Variants in PDE10A observed in about 807,000 individuals in gnomAD.
The protein encoded by PDE10A is cAMP and cAMP-inhibited cGMP 3',5'-cyclic phosphodiesterase 10A.
PDE10A carries 39 observed loss-of-function variants against 97.7 expected under a neutral mutation model. The ratio of observed to expected loss-of-function variants is 0.40; its 90% CI spans 0.31 to 0.52. The LOEUF is 0.52. PDE10A is among the 20% of genes least tolerant of loss of function. The pLI, the probability that PDE10A is intolerant of heterozygous loss-of-function variation, is 0.56. For synonymous variants in PDE10A, 371 were observed against 376.8 expected, an observed-to-expected ratio of 0.98 and a Z score of 0.18; for missense variants, 731 against 1,047.8, an observed-to-expected ratio of 0.70 and a Z score of 4.17.
chr6:165,548,284 T>C (rs1267483786), intron 1 of PDE10A, among the ~76,000 whole-genome samples: 3 of 136,422 alleles, frequency 2.2e-5, no homozygotes, highest in Non-Finnish European at 4.9e-5. Flanking sequence ...CTCTTTTTTT[T>C]TTTTTTTTTT....
In PDE10A at chr6:165,655,758, T is replaced by C. The variant is rs969211419; in HGVS notation, c.865+6189A>G. Among the ~76,000 whole-genome samples, 1 of 152,172 alleles carries C rather than the reference T, an allele frequency of 6.6e-6. No homozygotes were observed. The highest frequency in any genetic ancestry group is 2.4e-5 in the African/African-American group (1 of 41,446). ...AACCTCCCCAAAGCCTCTGCTTTCA[T>C]GCGGAGTAAACTGCAGTTTTTTCCT... On this transcript the variant is annotated intron_variant, in intron 1 of 21. Transcript: ENST00000539869. The surrounding 1 kb of genome is among the most constrained non-coding windows in gnomAD (Gnocchi z 4.5).
intron 2 of PDE10A, among the ~76,000 whole-genome samples, chr6:165,524,784 G>A (rs1264648960): frequency 6.6e-6 from 1 of 152,304 alleles, no homozygotes; most frequent in East Asian, 1.9e-4. Flanking sequence ...CCAGGTGTCT[G>A]CTGTTAAAGT....
chr6:165,731,791 G>C (rs1484059210), intron 1 of PDE10A, among the ~76,000 whole-genome samples: 3 of 152,112 alleles, frequency 2.0e-5, no homozygotes, highest in African/African-American at 7.2e-5. Context: ...ATTAAGTTAG[G>C]TCAGCAGAAA....
intron 1 of PDE10A, among the ~76,000 whole-genome samples, chr6:165,691,498 A>C (rs1252973997): frequency 1.3e-5 from 2 of 152,014 alleles, no homozygotes; most frequent in South Asian, 4.1e-4. Context: ...CTTAGACAAC[A>C]AAATCGCCTG....
intron 1 of PDE10A, among the ~76,000 whole-genome samples, chr6:165,789,126 G>T (rs1454770439): frequency 6.6e-6 from 1 of 152,204 alleles, no homozygotes. Flanking sequence ...AGACTGTAGG[G>T]TCTGGAGTTC....
At chr6:165,985,826 C>T (rs1785179746) in intron 1 of PDE10A, among the ~76,000 whole-genome samples, 1 of 152,126 alleles carries the variant, frequency 6.6e-6, no homozygotes, top group South Asian at 2.1e-4. Context: ...CTCTTGGCCT[C>T]TTCCCTTCCC....
chr6:165,671,916 T>C lies in PDE10A; in HGVS notation c.-614-128348A>G, dbSNP rs1240841439. On this transcript the variant is annotated intron_variant, in intron 1 of 19. Coordinates refer to the PDE10A transcript ENST00000366882. The surrounding 1 kb of genome is among the most constrained non-coding windows in gnomAD (Gnocchi z 4.6). ...TTACACATTAAATATCTCTATTTTA[T>C]AGCGAAGTTATTAATATATGCCATG... Among the ~76,000 whole-genome samples, 3 of 152,232 alleles carry C rather than the reference T, an allele frequency of 2.0e-5. No individual in the cohort carries two copies. Among genetic ancestry groups the C allele is most frequent in the African/African-American group, 7.2e-5 (3 of 41,462 alleles).
At chr6:165,749,607 G>A (rs1280386888) in intron 1 of PDE10A, among the ~76,000 whole-genome samples, 1 of 152,176 alleles carries the variant, frequency 6.6e-6, no homozygotes, top group African/African-American at 2.4e-5. Flanking sequence ...ATATTGGTGA[G>A]GCCTCAGATA....
At chr6:165,538,658 G>A (rs1210286642) in intron 2 of PDE10A, among the ~76,000 whole-genome samples, 1 of 151,872 alleles carries the variant, frequency 6.6e-6, no homozygotes, top group Non-Finnish European at 1.5e-5. Context: ...TACATTAGGG[G>A]CCAAAAGGAG....
At chr6:165,641,644 C>T (rs775770200) in intron 1 of PDE10A, among the ~76,000 whole-genome samples, 3 of 152,202 alleles carry the variant, frequency 2.0e-5, no homozygotes, top group Non-Finnish European at 4.4e-5. Flanking sequence ...GCCTTGGGGG[C>T]AGGCCCTCCA....
intron 1 of PDE10A, among the ~76,000 whole-genome samples, chr6:165,836,942 G>A (rs186291383): frequency 5.8e-4 from 88 of 150,818 alleles, no homozygotes; most frequent in African/African-American, 1.9e-3. Flanking sequence ...GTAAACTATC[G>A]CAAGAACAAA....
At chr6:165,455,041 G>C in intron 3 of PDE10A, among the ~76,000 whole-genome samples, 1 of 152,108 alleles carries the variant, frequency 6.6e-6, no homozygotes, top group East Asian at 1.9e-4. Flanking sequence ...TTCCCAAAGA[G>C]GTCGGCAGCC....
intron 13 of PDE10A, among the ~76,000 whole-genome samples, chr6:165,401,403 A>T (rs1179351665): frequency 6.6e-6 from 1 of 152,188 alleles, no homozygotes; most frequent in Non-Finnish European, 1.5e-5. Flanking sequence ...ATTAAATGTT[A>T]TTTCTCTGAA....
chr6:165,592,818 T>G (rs1160736599), intron 1 of PDE10A, among the ~76,000 whole-genome samples: 1 of 152,220 alleles, frequency 6.6e-6, no homozygotes, highest in Non-Finnish European at 1.5e-5. Context: ...GGAGAGGATA[T>G]GGAGAAATAG....
At chr6:165,826,907 T>G (rs1163376220) in intron 1 of PDE10A, among the ~76,000 whole-genome samples, 17 of 134,048 alleles carry the variant, frequency 1.3e-4, no homozygotes, top group African/African-American at 2.6e-4. Flanking sequence ...GGTCATGAGG[T>G]GGGCGCAGGC....
chr6:165,638,095 G>T (rs1418499279), intron 1 of PDE10A, among the ~76,000 whole-genome samples: 2 of 152,178 alleles, frequency 1.3e-5, no homozygotes, highest in Admixed American at 1.3e-4. Context: ...GGTGAAAGAG[G>T]CCAACTCAAC....
chr6:165,342,184 T>G (rs1476872762), intron 19 of PDE10A, among the ~76,000 whole-genome samples: 1 of 32,072 alleles, frequency 3.1e-5, no homozygotes, highest in Non-Finnish European at 5.2e-5. Flanking sequence ...CATACTTAAA[T>G]TTTTTATATT....
intron 1 of PDE10A, among the ~76,000 whole-genome samples, chr6:165,597,630 T>C (rs1786680015): frequency 6.6e-6 from 1 of 152,220 alleles, no homozygotes. Flanking sequence ...CTTACGTGCA[T>C]TTTATAGGAC....
chr6:165,601,068 A>G (rs1786917573), intron 1 of PDE10A, among the ~76,000 whole-genome samples: 1 of 152,184 alleles, frequency 6.6e-6, no homozygotes, highest in Non-Finnish European at 1.5e-5. Context: ...GGGGGGTGGT[A>G]ATTGAATCAT....
Sources: allele counts gnomAD v4.1 joint callset (sites outside exome capture counted in the v4.1 genomes callset), GRCh38; gene constraint gnomAD v4.1.1; non-coding constraint Gnocchi (gnomAD v3.1); transcripts MANE v1.5; gene names NCBI Gene and HGNC (gene_info 2026-07-23, HGNC 2026-07-21).